ITGA9: variants seen among roughly 807,000 people sequenced by gnomAD.
The protein encoded by ITGA9 is integrin subunit alpha 9.
Under a neutral mutation model 127.8 loss-of-function variants are expected in ITGA9, and 56 were observed. The observed-to-expected ratio is 0.44, with a 90% CI of 0.35 to 0.55. ITGA9 has a LOEUF of 0.55. Among genes scored for constraint, ITGA9 ranks in the 20% least tolerant of loss-of-function variants. The pLI is 0.00. For synonymous variants in ITGA9, 508 were observed against 514.5 expected, an observed-to-expected ratio of 0.99 and a Z score of 0.17; for missense variants, 1,196 against 1,347.1, an observed-to-expected ratio of 0.89 and a Z score of 1.76.
intron 18 of ITGA9, among the ~76,000 whole-genome samples, chr3:37,706,894 A>C (rs1028269832): frequency 2.0e-5 from 3 of 152,210 alleles, no homozygotes; most frequent in Non-Finnish European, 2.9e-5. Flanking sequence ...ATTTTTCCAT[A>C]GGCTCAAAGA....
chr3:37,523,410 TCAA>T lies in ITGA9; in HGVS notation c.1237-106_1237-104del. 4.7e-6 allele frequency: 4 copies of T among 855,914 alleles called. No individual in the cohort carries two copies. In the Admixed American group the frequency reaches 5.7e-5, roughly 12 times the overall value. The allele number at this position is 855,914 out of a possible 1,614,324, so 53.0% of individuals were successfully genotyped here. ...ATTAGGATTACTTTTTTTTTTTCTTTCAACAACTTTAAGACCAAGTGTCCTAGG... is the reference window on the plus strand; with the variant it reads ...ATTAGGATTACTTTTTTTTTTTCTTTCAACTTTAAGACCAAGTGTCCTAGG... On this transcript the variant is annotated intron_variant, in intron 11 of 27. Transcript: ENST00000264741.
Position 37,542,531 on chromosome 3 carries a change from G to A in ITGA9, c.1635G>A (p.Lys545=). Reference sequence around the variant, plus strand: ...AGACCATGGGTCAGGTCACAGAGAAGCTGCAGCTGACTTACATGGAGGAGA... The same window carrying A: ...AGACCATGGGTCAGGTCACAGAGAAACTGCAGCTGACTTACATGGAGGAGA... The part of the protein sequence containing the change: ...LGETMGQVTE[K]LQLTYMEETC... Residue 545 remains lysine, a synonymous_variant, in exon 15 of 28, where the codon AAG becomes AAA. Transcript: ENST00000264741. 6.2e-7 allele frequency: 1 copy of A among 1,614,176 alleles called. No individual in the cohort carries two copies. The highest frequency in any genetic ancestry group is 8.5e-7 in the Non-Finnish European group (1 of 1,180,034).
chr3:37,787,907 C>T (rs959277902), intron 26 of ITGA9, among the ~76,000 whole-genome samples: 1 of 152,098 alleles, frequency 6.6e-6, no homozygotes, highest in African/African-American at 2.4e-5. Flanking sequence ...AACGTGTGCA[C>T]GGTGGTAAAT....
intron 22 of ITGA9, chr3:37,748,344 A>T: frequency 1.7e-6 from 1 of 600,654 alleles, no homozygotes; most frequent in Non-Finnish European, 3.2e-6. Context: ...TTATAAACAC[A>T]CAAGTTAAGG....
chr3:37,615,280 G>A (rs1309273818), intron 15 of ITGA9, among the ~76,000 whole-genome samples: 25 of 152,254 alleles, frequency 1.6e-4, no homozygotes, highest in Middle Eastern at 3.4e-3. Flanking sequence ...ATTGATTTGC[G>A]TATGTTGAAC....
intron 18 of ITGA9, among the ~76,000 whole-genome samples, chr3:37,716,192 C>T (rs1456857526): frequency 6.6e-6 from 1 of 152,160 alleles, no homozygotes; most frequent in Non-Finnish European, 1.5e-5. Context: ...GCCCCGTGGC[C>T]ATCCTCCCAC....
chr3:37,747,671 T>G (rs1338076614), intron 22 of ITGA9, among the ~76,000 whole-genome samples: 1 of 152,064 alleles, frequency 6.6e-6, no homozygotes, highest in Non-Finnish European at 1.5e-5. Context: ...TAAGAACATG[T>G]GATGTTTGTC....
chr3:37,805,837 T>C (rs949687773), intron 27 of ITGA9: 1 of 151,784 alleles, frequency 6.6e-6, no homozygotes, highest in Non-Finnish European at 1.5e-5. Flanking sequence ...TATTTTTTTT[T>C]TTTTTTTGTA....
intron 5 of ITGA9, among the ~76,000 whole-genome samples, chr3:37,496,765 G>T (rs1698734950): frequency 6.6e-6 from 1 of 152,096 alleles, no homozygotes; most frequent in Non-Finnish European, 1.5e-5. Context: ...CCACTACATG[G>T]TATTTTCAGC....
chr3:37,657,869 T>C (rs1332945655), intron 17 of ITGA9, among the ~76,000 whole-genome samples: 1 of 152,236 alleles, frequency 6.6e-6, no homozygotes, highest in Non-Finnish European at 1.5e-5. Context: ...TTTAGGTGTG[T>C]CCCAGCAATT....
chr3:37,668,746 C>A (rs1559562738), intron 17 of ITGA9, among the ~76,000 whole-genome samples: 1 of 152,206 alleles, frequency 6.6e-6, no homozygotes, highest in Non-Finnish European at 1.5e-5. Flanking sequence ...GCACCCCTCC[C>A]AAGTTTGTTC....
At chr3:37,650,323 A>C (rs1700417518) in intron 16 of ITGA9, among the ~76,000 whole-genome samples, 1 of 152,198 alleles carries the variant, frequency 6.6e-6, no homozygotes, top group African/African-American at 2.4e-5. Flanking sequence ...CATTGTAAGG[A>C]GTGCCATCAT....
intron 17 of ITGA9, among the ~76,000 whole-genome samples, chr3:37,671,261 A>T (rs1341772239): frequency 6.6e-6 from 1 of 152,208 alleles, no homozygotes; most frequent in South Asian, 2.1e-4. Context: ...GCTGATGAGG[A>T]TTTGAATTCC....
At position 37,714,128 on chromosome 3, in the gene ITGA9, C is replaced by T. The variant is rs776874312; in HGVS notation, c.2068-18584C>T. ...AACTGGGTTGGAATCCCAGTTTCAG[C>T]CACTTAATAGTTACATGGATATTGC... is the stretch of plus-strand genomic sequence containing the variant. On this transcript the variant is annotated intron_variant, in intron 18 of 27. Coordinates refer to ENST00000264741, the MANE Select transcript of ITGA9 (RefSeq NM_002207.3). Among the ~76,000 whole-genome samples, 138 of 152,208 alleles carry T rather than the reference C, an allele frequency of 9.1e-4. 1 individual carries two copies. Among genetic ancestry groups the T allele is most frequent in the Non-Finnish European group, 1.5e-3 (103 of 68,044 alleles).
intron 8 of ITGA9, among the ~76,000 whole-genome samples, chr3:37,511,970 TTTCTTTTCTTTTC>T (rs1698910497): frequency 7.9e-5 from 1 of 12,594 alleles, no homozygotes; most frequent in Admixed American, 1.4e-3. Flanking sequence ...TTCTCTTTCT[TTTCTTTTCTTTTC>T]TTTTCTTTTC....
At chr3:37,545,411 A>C (rs1331382399) in intron 15 of ITGA9, among the ~76,000 whole-genome samples, 1 of 151,280 alleles carries the variant, frequency 6.6e-6, no homozygotes, top group African/African-American at 2.4e-5. Flanking sequence ...TTTTCTTGCC[A>C]TATATGGTGA....
At chr3:37,478,347 C>T (rs946337078) in intron 3 of ITGA9, among the ~76,000 whole-genome samples, 2 of 152,152 alleles carry the variant, frequency 1.3e-5, no homozygotes, top group African/African-American at 2.4e-5. Flanking sequence ...CCGAAGCACC[C>T]GGAAAGTGCC....
intron 17 of ITGA9, among the ~76,000 whole-genome samples, chr3:37,668,020 A>C (rs1471011902): frequency 6.6e-6 from 1 of 152,012 alleles, no homozygotes; most frequent in African/African-American, 2.4e-5. Context: ...CCGCCACCCA[A>C]GGACGTTTTT....
In ITGA9 at chr3:37,473,478, G is replaced by A; in HGVS notation, c.420+18G>A. 6.3e-7 allele frequency: 1 copy of A among 1,588,432 alleles called. No individual in the cohort carries two copies. Among genetic ancestry groups the A allele is most frequent in the Non-Finnish European group, 8.6e-7 (1 of 1,156,960 alleles). ...GTGTGTTGGTAAGTCCCTCCTGGGG[G>A]TGCTGTGGGAAGGGGGTGGCACTCT... On this transcript the variant is annotated intron_variant, in intron 3 of 27. Transcript: ENST00000264741.
Sources: gnomAD v4.1 joint callset for allele counts (sites outside exome capture counted in the v4.1 genomes callset) on GRCh38, gnomAD v4.1.1 for gene constraint, MANE v1.5 for transcripts, NCBI Gene and HGNC (gene_info 2026-07-23, HGNC 2026-07-21) for gene names.